Variants in FMN1 observed in about 807,000 individuals in gnomAD.
The protein encoded by FMN1 is formin 1.
In FMN1, 110 loss-of-function variants were observed where a neutral mutation model predicts 132.4. The observed-to-expected ratio is 0.83, with a 90% CI of 0.71 to 0.97. FMN1 has a LOEUF of 0.97. Ranked by LOEUF, FMN1 falls within the 50% of genes least tolerant of loss-of-function variation. The pLI is 0.00. For missense variants in FMN1, 1,792 were observed against 1,705.3 expected (o/e 1.05, Z -0.90); for synonymous variants, 722 against 651.7 (o/e 1.11, Z -1.64).
intron 16 of FMN1, among the ~76,000 whole-genome samples, chr15:32,872,376 A>C (rs1201327569): frequency 6.6e-6 from 1 of 152,226 alleles, no homozygotes; most frequent in African/African-American, 2.4e-5. Context: ...CAATGGTTAA[A>C]AGTCAGCAAA....
In FMN1 at chr15:32,810,399, C is replaced by T. The variant is rs147832970; in HGVS notation, c.3929-6067G>A. ...AAAGCAAGAGATTACTATGCCCATCCTATGTCCTGCTTTTAGACTGATACA... is the reference window on the plus strand; with the variant it reads ...AAAGCAAGAGATTACTATGCCCATCTTATGTCCTGCTTTTAGACTGATACA... On this transcript the variant is annotated intron_variant, in intron 17 of 20. Transcript: ENST00000616417. Among the ~76,000 whole-genome samples, 265 of 152,306 alleles carry T rather than the reference C, an allele frequency of 1.7e-3. 1 individual carries two copies. The highest frequency in any genetic ancestry group is 6.1e-3 in the African/African-American group (252 of 41,574).
Position 32,773,168 on chromosome 15 carries a change from A to T in FMN1, c.*1142T>A, listed in dbSNP as rs2056306403. The T allele has an allele frequency of 6.6e-6, 1 of 152,202 alleles. No homozygotes were observed. The highest frequency in any genetic ancestry group is 1.5e-5 in the Non-Finnish European group (1 of 68,036). 9.4% of individuals were successfully genotyped at this position (152,202 alleles called of 1,614,324 possible). A position where few individuals can be genotyped will look rare whatever the true frequency, so the allele number is the denominator to read the frequency against. ...CCAGGGTCAGAAAGAGCTGCCTGTG[A>T]ACAATATTCCACTTGGAAGTTTTCT... On this transcript the variant is annotated 3_prime_UTR_variant, in exon 21 of 21. Transcript: ENST00000616417.
chr15:33,104,570 A>G (rs1179022523), intron 4 of FMN1, among the ~76,000 whole-genome samples: 8 of 152,086 alleles, frequency 5.3e-5, no homozygotes, highest in Admixed American at 5.2e-4. Flanking sequence ...AGATGAACCT[A>G]AGATAGCGCC....
intron 9 of FMN1, among the ~76,000 whole-genome samples, chr15:32,928,912 CGA>C (rs1383551971): frequency 2.0e-5 from 3 of 152,130 alleles, no homozygotes; most frequent in South Asian, 2.1e-4. Flanking sequence ...AGAGAAATCA[CGA>C]GAGAGTAAAA....
intron 7 of FMN1, among the ~76,000 whole-genome samples, chr15:32,993,483 T>A (rs1466551825): frequency 3.3e-5 from 5 of 152,176 alleles, no homozygotes; most frequent in Admixed American, 6.5e-5. Flanking sequence ...CTGCCCCCTG[T>A]CTACAGAGAC....
At chr15:33,042,727 T>C (rs1180550244) in intron 6 of FMN1, among the ~76,000 whole-genome samples, 2 of 151,972 alleles carry the variant, frequency 1.3e-5, no homozygotes, top group Non-Finnish European at 2.9e-5. Flanking sequence ...ATTACTTTGG[T>C]TTCACAAGGA....
intron 5 of FMN1, among the ~76,000 whole-genome samples, chr15:33,077,819 T>C (rs1390138752): frequency 6.9e-6 from 1 of 145,316 alleles, no homozygotes; most frequent in South Asian, 2.1e-4. Flanking sequence ...CATCAAAAAG[T>C]GGGCAAAGGA....
chr15:33,048,630 C>CAAAAAAAAAAAAAAAAAAAAA (rs1566865254), intron 6 of FMN1, among the ~76,000 whole-genome samples: 2 of 11,462 alleles, frequency 1.7e-4, no homozygotes, highest in African/African-American at 5.3e-4. Flanking sequence ...GGGCAATTTA[C>CAAAAAAAAAAAAAAAAAAAAA]CAAAAAAAAA....
chr15:32,799,639 A>G (rs2057411245), intron 18 of FMN1, among the ~76,000 whole-genome samples: 1 of 152,218 alleles, frequency 6.6e-6, no homozygotes, highest in African/African-American at 2.4e-5. Context: ...TCTTGGAAAA[A>G]TGATCTCCAG....
chr15:33,189,941 T>G (rs1006009480), intron 2 of FMN1, among the ~76,000 whole-genome samples: 5 of 152,172 alleles, frequency 3.3e-5, no homozygotes, highest in Admixed American at 6.5e-5. Context: ...AAATCAGCTT[T>G]ATTAGGACGC....
At chr15:32,989,006 A>T (rs542091982) in intron 7 of FMN1, among the ~76,000 whole-genome samples, 15 of 152,336 alleles carry the variant, frequency 9.8e-5, no homozygotes, top group African/African-American at 3.6e-4. Flanking sequence ...CCCAGCAGAA[A>T]GTCATAAACT....
At chr15:32,847,629 C>T (rs931935588) in intron 17 of FMN1, among the ~76,000 whole-genome samples, 2 of 152,114 alleles carry the variant, frequency 1.3e-5, no homozygotes, top group South Asian at 2.1e-4. Context: ...CCGAGGTGGG[C>T]GGATCACAAG....
chr15:33,149,408 A>C (rs913246389), intron 4 of FMN1, among the ~76,000 whole-genome samples: 1 of 152,226 alleles, frequency 6.6e-6, no homozygotes, highest in Non-Finnish European at 1.5e-5. Context: ...ACAATCATTT[A>C]TTTAACCATT....
In FMN1 at chr15:33,154,901, T is replaced by C. The variant is rs540574235; in HGVS notation, c.14A>G (p.His5Arg). The C allele has an allele frequency of 1.3e-6, 2 of 1,533,238 alleles. No homozygotes were observed. The highest frequency in any genetic ancestry group is 2.4e-5 in the East Asian group (1 of 40,898). The allele number at this position is 1,533,238 out of a possible 1,614,324, so 95.0% of individuals were successfully genotyped here. A position where few individuals can be genotyped will look rare whatever the true frequency, so the allele number is the denominator to read the frequency against. The stretch of plus-strand genomic sequence containing the variant: ...GGGCTTATGCAATTGGAGGGTACAA[T>C]GAGTGCCTTCCATTATGCCTACCTA... MEGT[H>R]CTLQLHKPIT... is the part of the protein sequence containing the mutation. The change falls in exon 4 of 21, where the codon CAT becomes CGT. Residue 5 changes from histidine (H) to arginine (R), a missense_variant. Transcript: ENST00000616417.
intron 4 of FMN1, among the ~76,000 whole-genome samples, chr15:33,138,080 G>A (rs1963849397): frequency 6.6e-6 from 1 of 152,124 alleles, no homozygotes; most frequent in African/African-American, 2.4e-5. Context: ...AAGAATAAAG[G>A]ACTGCTGTTG....
intron 4 of FMN1, among the ~76,000 whole-genome samples, chr15:33,092,829 AAC>A (rs1263838337): frequency 2.6e-5 from 4 of 152,238 alleles, no homozygotes; most frequent in Non-Finnish European, 5.9e-5. Context: ...GCTTAAACAC[AAC>A]AGTGTTTTTG....
intron 3 of FMN1, among the ~76,000 whole-genome samples, chr15:33,166,992 G>A (rs1225867259): frequency 1.3e-5 from 2 of 152,178 alleles, no homozygotes; most frequent in Non-Finnish European, 2.9e-5. Flanking sequence ...CAGGAAGATA[G>A]CAATTTGTGG....
intron 6 of FMN1, among the ~76,000 whole-genome samples, chr15:33,050,188 CA>C (rs2036904007): frequency 6.6e-6 from 1 of 152,268 alleles, no homozygotes; most frequent in African/African-American, 2.4e-5. Context: ...TTTTGACTTA[CA>C]ATATTCTCAA....
chr15:33,046,551 T>C (rs1024217779), intron 6 of FMN1, among the ~76,000 whole-genome samples: 3 of 152,232 alleles, frequency 2.0e-5, no homozygotes, highest in Non-Finnish European at 4.4e-5. Flanking sequence ...GGTTACTCTA[T>C]GCAACCCCTT....
Sources: allele counts gnomAD v4.1 joint callset (sites outside exome capture counted in the v4.1 genomes callset), GRCh38; gene constraint gnomAD v4.1.1; transcripts MANE v1.5; gene names NCBI Gene and HGNC (gene_info 2026-07-23, HGNC 2026-07-21).